MACROD2: variants seen among roughly 807,000 people sequenced by gnomAD.
The protein encoded by MACROD2 is mono-ADP ribosylhydrolase 2.
A neutral mutation model predicts 70.4 loss-of-function variants in MACROD2; 36 were observed. The ratio of observed to expected loss-of-function variants is 0.51; its 90% CI spans 0.39 to 0.68. The LOEUF is 0.68. Ranked by LOEUF, MACROD2 falls within the 30% of genes least tolerant of loss-of-function variation. The probability of loss-of-function intolerance (pLI) is 0.00; values close to 1 mark genes in which losing one functional copy is unlikely to be tolerated. For synonymous variants in MACROD2, 172 were observed against 178.8 expected, an observed-to-expected ratio of 0.96 and a Z score of 0.30; for missense variants, 496 against 538.4, an observed-to-expected ratio of 0.92 and a Z score of 0.78.
intron 5 of MACROD2, among the ~76,000 whole-genome samples, chr20:14,805,659 C>T (rs2072629951): frequency 6.6e-6 from 1 of 152,058 alleles, no homozygotes; most frequent in Non-Finnish European, 1.5e-5. Flanking sequence ...ATTTTAAACT[C>T]CATGTTCTCA....
chr20:15,309,690 G>A (rs2077732133), intron 6 of MACROD2, among the ~76,000 whole-genome samples: 1 of 152,124 alleles, frequency 6.6e-6, no homozygotes, highest in Non-Finnish European at 1.5e-5. Context: ...GCCTTAGGAG[G>A]AAACAGACAT....
intron 3 of MACROD2, chr20:14,325,438 A>C (rs112282326): frequency 9.7e-7 from 1 of 1,032,338 alleles, no homozygotes; most frequent in African/African-American, 1.6e-5. Context: ...GCAAATGTAC[A>C]GTACATTGCT....
intron 3 of MACROD2, among the ~76,000 whole-genome samples, chr20:14,224,932 C>T (rs145072026): frequency 0.015 from 2,310 of 152,238 alleles, 22 homozygotes; most frequent in Non-Finnish European, 0.022. Context: ...TACCTGATAC[C>T]GTATTCCAGT....
intron 5 of MACROD2, among the ~76,000 whole-genome samples, chr20:15,118,710 C>G (rs1276991135): frequency 6.6e-6 from 1 of 152,146 alleles, no homozygotes; most frequent in African/African-American, 2.4e-5. Flanking sequence ...TAGAACAAAT[C>G]AAATATACTT....
At chr20:15,367,999 C>T (rs2045436486) in intron 6 of MACROD2, among the ~76,000 whole-genome samples, 1 of 152,016 alleles carries the variant, frequency 6.6e-6, no homozygotes, top group Admixed American at 6.6e-5. Flanking sequence ...AGCATTTTTT[C>T]AACCTAAGGT....
At chr20:15,309,910 T>C (rs543859704) in intron 6 of MACROD2, among the ~76,000 whole-genome samples, 1 of 152,316 alleles carries the variant, frequency 6.6e-6, no homozygotes, top group South Asian at 2.1e-4. Flanking sequence ...TATAGTGTAT[T>C]CAGACAAAGG....
chr20:14,958,736 T>A (rs1026033810), intron 5 of MACROD2, among the ~76,000 whole-genome samples: 2 of 152,158 alleles, frequency 1.3e-5, no homozygotes, highest in Non-Finnish European at 2.9e-5. Flanking sequence ...TTTTCCATGC[T>A]CATTCTAAAC....
In MACROD2 at chr20:16,033,404, A is replaced by C. The variant is rs544802551; in HGVS notation, c.1154-7797A>C. On this transcript the variant is annotated intron_variant, in intron 15 of 17. Transcript: ENST00000684519. ...TAACTTTTTAAATTAAGCTTCATAC[A>C]TAGTAGGTATGCAGCACAATATGCT... Among the ~76,000 whole-genome samples the C allele has an allele frequency of 1.1e-4, 17 of 152,224 alleles. No individual in the cohort carries two copies. In the South Asian group the frequency reaches 3.5e-3, roughly 32 times the overall value.
chr20:15,380,493 T>A (rs887146288), intron 6 of MACROD2, among the ~76,000 whole-genome samples: 1 of 152,190 alleles, frequency 6.6e-6, no homozygotes, highest in South Asian at 2.1e-4. Flanking sequence ...AACTTATAAT[T>A]AATGTTATAT....
intron 3 of MACROD2, among the ~76,000 whole-genome samples, chr20:14,147,077 A>C (rs1304251642): frequency 1.3e-5 from 2 of 152,192 alleles, no homozygotes; most frequent in African/African-American, 4.8e-5. Context: ...GTGGGATGGA[A>C]GAAGGACTAA....
chr20:14,533,576 C>T (rs188534864), intron 4 of MACROD2, among the ~76,000 whole-genome samples: 23 of 152,270 alleles, frequency 1.5e-4, no homozygotes, highest in African/African-American at 5.5e-4. Context: ...AACAAAGTTG[C>T]ACTCATCCCT....
At chr20:14,000,681 A>T (rs1248421452) in intron 1 of MACROD2, among the ~76,000 whole-genome samples, 1 of 152,218 alleles carries the variant, frequency 6.6e-6, no homozygotes, top group Admixed American at 6.5e-5. Context: ...TACATTGAAT[A>T]TTGGTAAATA....
At chr20:15,473,680 G>T (rs6043302) in intron 7 of MACROD2, among the ~76,000 whole-genome samples, 46,110 of 151,912 alleles carry the variant, frequency 0.3, 8,135 homozygotes, top group African/African-American at 0.5. Context: ...AATAGCTATT[G>T]GTTGTGCTAC....
rs11397524 is a variant in MACROD2 at position 15,381,499 on chromosome 20, C to CAA, written c.541-49898_541-49897dup. Reference sequence around the variant, plus strand: ...GTGGATCACTTGAGTCCCATCTCTACAAAAAAAAATACAAAAATTAGCTGA... The same window carrying CAA: ...GTGGATCACTTGAGTCCCATCTCTACAAAAAAAAAAATACAAAAATTAGCTGA... On this transcript the variant is annotated intron_variant, in intron 6 of 17. Transcript: ENST00000684519. Among the ~76,000 whole-genome samples, 314 of 150,002 alleles carry CAA rather than the reference C, an allele frequency of 2.1e-3. 1 individual carries two copies. The highest frequency in any genetic ancestry group is 6.7e-3 in the African/African-American group (272 of 40,814).
chr20:15,016,568 A>T (rs1375080858), intron 5 of MACROD2, among the ~76,000 whole-genome samples: 2 of 152,078 alleles, frequency 1.3e-5, no homozygotes, highest in African/African-American at 4.8e-5. Context: ...TTCACACAAG[A>T]GTTGGTTGTT....
chr20:15,092,577 C>T (rs1186947210), intron 5 of MACROD2, among the ~76,000 whole-genome samples: 2 of 151,476 alleles, frequency 1.3e-5, no homozygotes, highest in Admixed American at 1.3e-4. Context: ...AGATCTTAGA[C>T]TTACTCTTCT....
rs1023188840 is a variant in MACROD2, at chr20:15,322,569, C to T, written c.540+92508C>T. On this transcript the variant is annotated intron_variant, in intron 6 of 17. Coordinates refer to ENST00000684519, the MANE Select transcript of MACROD2 (RefSeq NM_001351661.2). ...GATGAAAACCAAAATTCGTACTCTC[C>T]CCCGCTCAACTATTTAGCCTGAGGT... Among the ~76,000 whole-genome samples, 19 of 144,128 alleles carry T rather than the reference C, an allele frequency of 1.3e-4. 1 individual carries two copies. The highest frequency in any genetic ancestry group is 4.2e-4 in the African/African-American group (17 of 40,292). The allele number at this position is 144,128 out of a possible 152,430, so 94.6% of individuals were successfully genotyped here. A position where few individuals can be genotyped will look rare whatever the true frequency, so the allele number is the denominator to read the frequency against.
chr20:15,970,446 A>C (rs1201133678), intron 13 of MACROD2, among the ~76,000 whole-genome samples: 1 of 152,180 alleles, frequency 6.6e-6, no homozygotes, highest in African/African-American at 2.4e-5. Context: ...TTTTTCCATT[A>C]AGATGAAGAG....
At chr20:15,666,360 C>T (rs1381550617) in intron 8 of MACROD2, among the ~76,000 whole-genome samples, 1 of 152,194 alleles carries the variant, frequency 6.6e-6, no homozygotes, top group Non-Finnish European at 1.5e-5. Flanking sequence ...AATCTTCCCC[C>T]TTTAGCTCAG....
Sources: allele counts gnomAD v4.1 joint callset (sites outside exome capture counted in the v4.1 genomes callset), GRCh38; gene constraint gnomAD v4.1.1; transcripts MANE v1.5; gene names NCBI Gene and HGNC (gene_info 2026-07-23, HGNC 2026-07-21).